The following IGSF22 variants were observed in gnomAD, a reference collection of about 807,000 sequenced individuals.
IGSF22 encodes immunoglobulin superfamily member 22.
A neutral mutation model predicts 127.0 loss-of-function variants in IGSF22; 119 were observed. The observed-to-expected ratio is 0.94, with a 90% CI of 0.81 to 1.09. The LOEUF (loss-of-function observed/expected upper bound fraction) is 1.09. Ranked by LOEUF, IGSF22 falls within the 50% of genes least tolerant of loss-of-function variation. IGSF22 has a pLI of 0.00. For missense variants in IGSF22, 1,518 were observed against 1,716.6 expected, an observed-to-expected ratio of 0.88 and a Z score of 2.04; for synonymous variants, 568 against 664.7, an observed-to-expected ratio of 0.85 and a Z score of 2.24.
chr11:18,714,207 G>A (rs1016926620), intron 13 of IGSF22, 59 bp from the exon 14 acceptor site: 3 of 1,593,312 alleles, frequency 1.9e-6, no homozygotes, highest in South Asian at 1.2e-5. Flanking sequence ...CCATGGGGCG[G>A]GGGAGAAGCC....
Position 18,714,589 on chromosome 11 carries a change from C to T in IGSF22, c.1567G>A (p.Val523Met), listed in dbSNP as rs372284868. Reference sequence around the variant, plus strand: ...GCTGGGCTCCCAGTGGCCGCGTGCACGTCGGACATCCCGCTCTTCACTGTG... The same window carrying T: ...GCTGGGCTCCCAGTGGCCGCGTGCATGTCGGACATCCCGCTCTTCACTGTG... The part of the protein sequence containing the change: ...LATVKSGMSD[V>M]HAATGSPAEL... The change falls in exon 12 of 23, where the codon GTG (valine) becomes ATG (methionine). Residue 523 changes from valine (V) to methionine (M), a missense_variant. Val to Met is a conservative substitution (Grantham distance 21). Transcript: ENST00000513874. 1.2e-5 allele frequency: 19 copies of T among 1,614,176 alleles called. No individual in the cohort carries two copies. The highest frequency in any genetic ancestry group is 4.5e-5 in the East Asian group (2 of 44,878).
chr11:18,723,417 GTA>G (rs1303983922), intron 2 of IGSF22, among the ~76,000 whole-genome samples: 3 of 152,224 alleles, frequency 2.0e-5, no homozygotes, highest in Admixed American at 6.5e-5. Context: ...GTGTTGGTTG[GTA>G]TAGAGTGTTT....
intron 15 of IGSF22, 48 bp downstream of exon 15, chr11:18,712,034 C>CA: frequency 6.7e-7 from 1 of 1,485,122 alleles, no homozygotes; most frequent in South Asian, 1.3e-5. Context: ...TTAAGGTCTC[C>CA]ATGCTGACCC....
rs1414339959 is a variant in IGSF22, at chr11:18,706,024, C to A, written c.3703G>T (p.Ala1235Ser). 27 of 1,551,514 alleles carry A rather than the reference C, an allele frequency of 1.7e-5. No homozygotes were observed. The highest frequency in any genetic ancestry group is 2.2e-5 in the Non-Finnish European group (25 of 1,146,976). The change falls in exon 22 of 23, where the codon GCC becomes TCC. Residue 1235 changes from alanine to serine, a missense_variant. Ala to Ser is a moderately conservative substitution (Grantham distance 99, BLOSUM62 1). Transcript: ENST00000513874. Reference protein sequence around the residue: ...LRGQDCTMTCAFLGNPRPTVT... With the variant: ...LRGQDCTMTCSFLGNPRPTVT... Reference sequence around the variant, plus strand: ...GTGGGCCGCGGGTTCCCAAGGAAGGCGCAGGTCATGGTGCAGTCCTGGCCG... The same window carrying A: ...GTGGGCCGCGGGTTCCCAAGGAAGGAGCAGGTCATGGTGCAGTCCTGGCCG...
chr11:18,718,498 T>C (rs903565051), intron 8 of IGSF22, 117 bp downstream of exon 8: 19 of 762,762 alleles, frequency 2.5e-5, no homozygotes, highest in Admixed American at 5.4e-5. Context: ...CTTTCAACCA[T>C]ACCAGGAGGC....
intron 2 of IGSF22, 82 bp downstream of exon 2, chr11:18,724,046 A>G: frequency 8.6e-7 from 1 of 1,161,480 alleles, no homozygotes; most frequent in Admixed American, 1.8e-5. Flanking sequence ...CATTAGTGGC[A>G]AAACTGGGGC....
intron 1 of IGSF22, among the ~76,000 whole-genome samples, chr11:18,724,922 T>C (rs75273422): frequency 1.3e-5 from 2 of 152,122 alleles, no homozygotes; most frequent in East Asian, 1.9e-4. Flanking sequence ...ACCTTCCCCA[T>C]TGCAACAGGT....
rs779680180 is a variant in IGSF22 at position 18,704,477 on chromosome 11, G to A, written c.3972C>T (p.His1324=). 33 of 1,550,046 alleles carry A rather than the reference G, an allele frequency of 2.1e-5. No individual in the cohort carries two copies. Among genetic ancestry groups the A allele is most frequent in the South Asian group, 2.0e-4 (17 of 84,024 alleles). Residue 1324 remains histidine (H), a synonymous_variant, in exon 23 of 23, where the codon CAC becomes CAT. Coordinates refer to ENST00000513874, the MANE Select transcript of IGSF22 (RefSeq NM_173588.4). ...TGGGCTTGGCTGGAGCTCACATGAGGTGCTTTGATTTCTTCTGCAGACTCT... is the reference window on the plus strand; with the variant it reads ...TGGGCTTGGCTGGAGCTCACATGAGATGCTTTGATTTCTTCTGCAGACTCT... ...ITESLQKKSK[H]LM is the part of the protein sequence containing the mutation.
rs1260476960 is a variant in IGSF22 at position 18,709,423 on chromosome 11, C to T, written c.2962G>A (p.Glu988Lys). 2 of 1,614,028 alleles carry T rather than the reference C, an allele frequency of 1.2e-6. No homozygotes were observed. Among genetic ancestry groups the T allele is most frequent in the Non-Finnish European group, 1.7e-6 (2 of 1,180,036 alleles). The change falls in exon 18 of 23, where the codon GAG (glutamate) becomes AAG (lysine). Residue 988 changes from glutamate to lysine, a missense_variant. Coordinates refer to ENST00000513874, the MANE Select transcript of IGSF22 (RefSeq NM_173588.4). The surrounding 1 kb of genome is among the most constrained non-coding windows in gnomAD (Gnocchi z 4.8). ...VNEAGVGEPV[E>K]LDKGVRAMPP... ...ATGGCACGGACCCCCTTGTCTAGCT[C>T]CACAGGCTCCCCAACCCCAGCCTCA...
In IGSF22 at chr11:18,715,560, T is replaced by C. The variant is rs543369913; in HGVS notation, c.1403A>G (p.His468Arg). The C allele has an allele frequency of 3.5e-4, 564 of 1,614,098 alleles. 7 individuals are homozygous for C. In the South Asian group the frequency reaches 5.8e-3, roughly 17 times the overall value. Residue 468 changes from histidine (H) to arginine (R), a missense_variant, in exon 11 of 23, where the codon CAT becomes CGT. By Grantham distance (29) the His-to-Arg change is conservative (BLOSUM62 0). Coordinates refer to ENST00000513874, the MANE Select transcript of IGSF22 (RefSeq NM_173588.4). ...LMHGTKYSMN[H>R]EGKRAELIIE... Reference sequence around the variant, plus strand: ...GATCAGCTCTGCTCGCTTGCCCTCATGGTTCATGCTGTACTTAGTGCCATG... The same window carrying C: ...GATCAGCTCTGCTCGCTTGCCCTCACGGTTCATGCTGTACTTAGTGCCATG...
In IGSF22 at chr11:18,709,690, T is replaced by A. The variant is rs376506262; in HGVS notation, c.2702-7A>T. ...TGGACCAGGCCTGGGGGTTCTGGGG[T>A]AGAACAGACATGTAGTCAGCCCCTC... On this transcript the variant is annotated splice_polypyrimidine_tract_variant and splice_region_variant and intron_variant, in intron 17 of 22. Coordinates refer to ENST00000513874, the MANE Select transcript of IGSF22 (RefSeq NM_173588.4). The surrounding 1 kb of genome is among the most constrained non-coding windows in gnomAD (Gnocchi z 4.8). 249 of 1,611,894 alleles carry A rather than the reference T, an allele frequency of 1.5e-4. No homozygotes were observed. The highest frequency in any genetic ancestry group is 2.0e-4 in the Non-Finnish European group (238 of 1,178,758).
chr11:18,725,730 G>T (rs370092490), intron 1 of IGSF22, among the ~76,000 whole-genome samples: 1 of 152,180 alleles, frequency 6.6e-6, no homozygotes, highest in African/African-American at 2.4e-5. Flanking sequence ...GTGAGCCACC[G>T]CGCCTGGCCC....
rs960876086 is a variant in IGSF22, at chr11:18,714,281, G to A, written c.1794C>T (p.Ile598=). 5 of 1,612,878 alleles carry A rather than the reference G, an allele frequency of 3.1e-6. No homozygotes were observed. Among genetic ancestry groups the A allele is most frequent in the African/African-American group, 1.3e-5 (1 of 74,890 alleles). ...CTACCTTGGACAGATCCATACCTGC[G>A]ATGAATACAGAGGCTTCACTTTCCG... ...KGTESEASVF[I]ADPPTIDPSV... Residue 598 remains isoleucine (I), a synonymous_variant, in exon 13 of 23, where the codon ATC becomes ATT. Transcript: ENST00000513874.
rs556553471 is a variant in IGSF22, at chr11:18,710,348, C to T, written c.2680G>A (p.Val894Ile). The T allele has an allele frequency of 1.4e-5, 22 of 1,614,206 alleles. No homozygotes were observed. In the African/African-American group the frequency reaches 2.9e-4, roughly 22 times the overall value. The change falls in exon 17 of 23, where the codon GTA becomes ATA. Residue 894 changes from valine to isoleucine, a missense_variant. By Grantham distance (29) the Val-to-Ile change is conservative (BLOSUM62 3). Coordinates refer to ENST00000513874, the MANE Select transcript of IGSF22 (RefSeq NM_173588.4). ...PGQPSVPSSS[V>I]VAKDPVKPPG... is the part of the protein sequence containing the mutation. ...TCACTAACAGGATCCTTGGCCACTA[C>T]TGAGCTGGATGGCACACTGGGCTGT...
At position 18,716,933 on chromosome 11, in the gene IGSF22, A is replaced by T. The variant is rs370560506; in HGVS notation, c.1041T>A (p.Phe347Leu). Residue 347 changes from phenylalanine to leucine, a missense_variant, in exon 10 of 23, where the codon TTT (phenylalanine) becomes TTA (leucine). By Grantham distance (22) the Phe-to-Leu change is conservative (BLOSUM62 0). Coordinates refer to ENST00000513874, the MANE Select transcript of IGSF22 (RefSeq NM_173588.4). This position sits in a 1 kb window ranked among gnomAD's most constrained non-coding sequence, Gnocchi z 4.5. ...VKVTERQTAV[F>L]EIRLSKKEPN... ...GCTCTTTCTTGGAGAGGCGGATCTC[A>T]AACACAGCTGTCTGGCGCTCTGTCA... The T allele has an allele frequency of 2.5e-6, 4 of 1,614,038 alleles. No homozygotes were observed. Among genetic ancestry groups the T allele is most frequent in the Non-Finnish European group, 3.4e-6 (4 of 1,180,006 alleles).
In IGSF22 at chr11:18,718,006, C is replaced by T. The variant is rs369334236; in HGVS notation, c.898G>A (p.Val300Met). 1.7e-5 allele frequency: 27 copies of T among 1,614,144 alleles called. No individual in the cohort carries two copies. The highest frequency in any genetic ancestry group is 4.4e-5 in the South Asian group (4 of 91,090). The stretch of plus-strand genomic sequence containing the variant: ...TAGATGCCAGCATCGTTCATGTTCA[C>T]GTTGCTAATAACCAGCATGTACTTG... ...GTKYMLVISN[V>M]NMNDAGIYSL... Residue 300 changes from valine (V) to methionine (M), a missense_variant, in exon 9 of 23, where the codon GTG becomes ATG. Val to Met is a conservative substitution (Grantham distance 21, BLOSUM62 1). Around this residue, in one of 3 missense-constraint regions of IGSF22, gnomAD observed 1,456 missense variants for 1,644.9 expected, o/e 0.89. Transcript: ENST00000513874.
chr11:18,718,281 C>T (rs1269755336), intron 8 of IGSF22, among the ~76,000 whole-genome samples, 188 bp from the exon 9 acceptor site: 2 of 152,172 alleles, frequency 1.3e-5, no homozygotes, highest in Admixed American at 6.5e-5. Context: ...TCCCCACAGG[C>T]CTCCTCACAG....
intron 21 of IGSF22, 52 bp downstream of exon 21, chr11:18,706,862 C>G: frequency 2.9e-6 from 4 of 1,383,242 alleles, no homozygotes; most frequent in Non-Finnish European, 3.9e-6. Context: ...CTTATGTCAT[C>G]CCCACCATCA....
In IGSF22 at chr11:18,710,835, G is replaced by A. The variant is rs373315925; in HGVS notation, c.2399-7C>T. On this transcript the variant is annotated splice_polypyrimidine_tract_variant and splice_region_variant and intron_variant, in intron 15 of 22. Transcript: ENST00000513874. ...GAGGCAAAACCAGGAGGCTCTGTGG[G>A]GGAAAGAGAGAGTGCAAAGGTTAGG... 17 of 1,609,946 alleles carry A rather than the reference G, an allele frequency of 1.1e-5. No individual in the cohort carries two copies. The highest frequency in any genetic ancestry group is 1.4e-5 in the Non-Finnish European group (16 of 1,176,372).
Sources: allele counts gnomAD v4.1 joint callset (sites outside exome capture counted in the v4.1 genomes callset), GRCh38; gene constraint gnomAD v4.1.1; regional missense constraint gnomAD v4.1.1; non-coding constraint Gnocchi (gnomAD v3.1); transcripts MANE v1.5; gene names NCBI Gene and HGNC (gene_info 2026-07-23, HGNC 2026-07-21).